CUL4A: variants seen among roughly 807,000 people sequenced by gnomAD.
CUL4A encodes the protein cullin-4A.
CUL4A carries 16 observed loss-of-function variants against 95.5 expected under a neutral mutation model. The observed-to-expected ratio is 0.17, with a 90% CI of 0.11 to 0.25. The LOEUF is 0.25. CUL4A is among the 10% of genes least tolerant of loss of function. The pLI, the probability that CUL4A is intolerant of heterozygous loss-of-function variation, is 1.00. For missense variants in CUL4A, 610 were observed against 937.0 expected (o/e 0.65, Z 4.56); for synonymous variants, 380 against 353.1 (o/e 1.08, Z -0.85).
intron 10 of CUL4A, among the ~76,000 whole-genome samples, chr13:113,242,156 G>A (rs1425188474): frequency 6.6e-6 from 1 of 152,036 alleles, no homozygotes; most frequent in African/African-American, 2.4e-5. Flanking sequence ...CTCTAGCTGG[G>A]CGTGGTGGTG....
chr13:113,235,406 A>G (rs369354675), intron 8 of CUL4A, among the ~76,000 whole-genome samples: 28 of 152,318 alleles, frequency 1.8e-4, no homozygotes, highest in African/African-American at 4.6e-4. Flanking sequence ...GAGACGGTCT[A>G]TTTATGTTAA....
chr13:113,255,279 C>T (rs184357561), intron 18 of CUL4A, among the ~76,000 whole-genome samples, 154 bp downstream of exon 18: 135 of 152,244 alleles, frequency 8.9e-4, no homozygotes, highest in African/African-American at 3.0e-3. Context: ...ATTTTCCTGT[C>T]GCTTTCATTA....
rs181308157 is a variant in CUL4A at position 113,260,081 on chromosome 13, G to A, written c.2032-526G>A. On this transcript the variant is annotated intron_variant, in intron 18 of 19. Coordinates refer to ENST00000375440, the MANE Select transcript of CUL4A (RefSeq NM_001008895.4). The stretch of plus-strand genomic sequence containing the variant: ...GAGCCGGGCATGGTGGGGGGGCACC[G>A]TAGTCCCAGCTACTTGAGAGGCTGA... 5.7e-3 allele frequency among the ~76,000 whole-genome samples: 863 copies of A among 150,288 alleles called. 9 individuals are homozygous for A. The highest frequency in any genetic ancestry group is 0.019 in the African/African-American group (797 of 40,934).
intron 10 of CUL4A, among the ~76,000 whole-genome samples, chr13:113,240,635 G>A (rs530764674): frequency 1.6e-4 from 24 of 152,248 alleles, no homozygotes; most frequent in East Asian, 7.7e-4. Flanking sequence ...GATACTTAAC[G>A]TGTTATTGCA....
chr13:113,263,695 C>T lies in CUL4A; in HGVS notation c.*113C>T, dbSNP rs1408171298. On this transcript the variant is annotated 3_prime_UTR_variant, in exon 20 of 20. Transcript: ENST00000375440. Reference sequence around the variant, plus strand: ...TGATCCAGCTGTGGACATTGGAAGGCGAAGGAAGGGAGGTGGCTCCTGGGT... The same window carrying T: ...TGATCCAGCTGTGGACATTGGAAGGTGAAGGAAGGGAGGTGGCTCCTGGGT... 2 of 598,870 alleles carry T rather than the reference C, an allele frequency of 3.3e-6. No homozygotes were observed. The highest frequency in any genetic ancestry group is 3.6e-5 in the South Asian group (1 of 27,936). 37.1% of individuals were successfully genotyped at this position (598,870 alleles called of 1,614,324 possible).
At chr13:113,208,781 C>T (rs893151478), upstream of CUL4A, 4 of 1,421,626 alleles carry the variant, frequency 2.8e-6, no homozygotes, top group African/African-American at 1.5e-5. Context: ...ACCTGGGGAC[C>T]GGCTCGGCGA....
chr13:113,247,002 A>G (rs1464451926), intron 15 of CUL4A, among the ~76,000 whole-genome samples: 1 of 152,206 alleles, frequency 6.6e-6, no homozygotes, highest in Non-Finnish European at 1.5e-5. Flanking sequence ...CTATACAAGC[A>G]TGGCACCTGT....
At chr13:113,242,259 A>G (rs1213988304) in intron 10 of CUL4A, among the ~76,000 whole-genome samples, 1 of 151,852 alleles carries the variant, frequency 6.6e-6, no homozygotes, top group Non-Finnish European at 1.5e-5. Flanking sequence ...GCGAGAGTCC[A>G]TCTCAAAACA....
At chr13:113,229,206 A>G (rs779511852) in intron 4 of CUL4A, among the ~76,000 whole-genome samples, 81 of 152,224 alleles carry the variant, frequency 5.3e-4, no homozygotes, top group Non-Finnish European at 1.1e-3. Flanking sequence ...GAAAAAAAAG[A>G]TACCATTTTA....
intron 5 of CUL4A, among the ~76,000 whole-genome samples, chr13:113,232,218 GC>G (rs1566343841): frequency 0.41 from 1,040 of 2,542 alleles, 417 homozygotes; most frequent in Non-Finnish European, 0.6. Context: ...CACCATTACT[GC>G]TGCCACCACT....
chr13:113,257,856 G>A (rs909508436), intron 18 of CUL4A, among the ~76,000 whole-genome samples: 2 of 152,150 alleles, frequency 1.3e-5, no homozygotes, highest in Non-Finnish European at 2.9e-5. Context: ...TCTGAAAACA[G>A]TCTAACTGCC....
At chr13:113,208,711 C>A (rs1283472504), upstream of CUL4A, 8 of 1,522,188 alleles carry the variant, frequency 5.3e-6, no homozygotes, top group South Asian at 2.4e-5. Flanking sequence ...GCCCTCGGTC[C>A]GTCTGGGTCC....
At chr13:113,238,992 G>A (rs985716359) in intron 9 of CUL4A, among the ~76,000 whole-genome samples, 2 of 152,172 alleles carry the variant, frequency 1.3e-5, no homozygotes, top group African/African-American at 2.4e-5. Flanking sequence ...CAAAATATCC[G>A]ATGATGTTTT....
chr13:113,209,448 C>A (rs2040245243), upstream of CUL4A: 1 of 181,694 alleles, frequency 5.5e-6, no homozygotes, highest in Non-Finnish European at 1.0e-5. Flanking sequence ...GGATTCCCGG[C>A]GCGCGTTCCT....
rs750816159 is a variant in CUL4A, at chr13:113,233,935, G to T, written c.714G>T (p.Glu238Asp). 1 of 1,611,732 alleles carries T rather than the reference G, an allele frequency of 6.2e-7. No homozygotes were observed. The change falls in exon 7 of 20, where the codon GAG becomes GAT. Residue 238 changes from glutamate to aspartate, a missense_variant. By Grantham distance (45) the Glu-to-Asp change is conservative. This residue lies in a region of CUL4A where 97 missense variants were observed against 100.3 expected (regional missense o/e 0.97). Transcript: ENST00000375440. Reference protein sequence around the residue: ...KDSFELKFLEETNCLYAAEGQ... With the variant: ...KDSFELKFLEDTNCLYAAEGQ... ...CATTTGAACTGAAATTTTTGGAAGA[G>T]ACTAATTGCTTATATGCTGCCGAAG... is the stretch of plus-strand genomic sequence containing the variant.
At chr13:113,233,125 A>C (rs559476046) in intron 5 of CUL4A, 52 bp from the exon 6 acceptor site, 16 of 1,573,410 alleles carry the variant, frequency 1.0e-5, no homozygotes, top group Non-Finnish European at 1.4e-5. Flanking sequence ...TTCACCCATA[A>C]CTTCTAAAAA....
intron 7 of CUL4A, among the ~76,000 whole-genome samples, chr13:113,234,366 A>G (rs2041465931): frequency 1.3e-5 from 2 of 152,224 alleles, no homozygotes; most frequent in South Asian, 2.1e-4. Flanking sequence ...AGCTGTGCGA[A>G]AAAACATGTA....
In CUL4A at chr13:113,243,092, T is replaced by G. The variant is rs757618335; in HGVS notation, c.1160T>G (p.Val387Gly). ...EVCFQKNERF[V>G]NLMKESFETF... ...TGCTTCCAGAAGAATGAGCGGTTCG[T>G]CAACCTGATGAAGGAGTCCTTTGAG... Residue 387 changes from valine to glycine, a missense_variant, in exon 11 of 20, where the codon GTC becomes GGC. This residue lies in a region of CUL4A where 153 missense variants were observed against 244.5 expected (regional missense o/e 0.63). Transcript: ENST00000375440. 1.2e-6 allele frequency: 2 copies of G among 1,614,190 alleles called. No homozygotes were observed. The highest frequency in any genetic ancestry group is 2.2e-5 in the South Asian group (2 of 91,078).
chr13:113,226,031 T>G (rs910755320), intron 3 of CUL4A, among the ~76,000 whole-genome samples: 6 of 152,178 alleles, frequency 3.9e-5, no homozygotes, highest in African/African-American at 1.4e-4. Flanking sequence ...CACTTCCTGG[T>G]GTGACAAGGA....
Sources: allele counts gnomAD v4.1 joint callset (sites outside exome capture counted in the v4.1 genomes callset), GRCh38; gene constraint gnomAD v4.1.1; regional missense constraint gnomAD v4.1.1; transcripts MANE v1.5; gene names NCBI Gene and HGNC (gene_info 2026-07-23, HGNC 2026-07-21).